The following NUP98 variants were observed in gnomAD, a reference collection of about 807,000 sequenced individuals.
The protein encoded by NUP98 is nucleoporin 98 and 96 precursor, also known as nuclear pore complex protein Nup98-Nup96.
Under a neutral mutation model 191.9 loss-of-function variants are expected in NUP98, and 26 were observed. The observed-to-expected ratio is 0.14, with a 90% confidence interval of 0.10 to 0.19. The LOEUF (loss-of-function observed/expected upper bound fraction) is 0.19. Ranked by LOEUF, NUP98 falls within the 10% of genes least tolerant of loss-of-function variation. The pLI is 1.00. For missense variants in NUP98, 1,941 were observed against 2,178.8 expected (o/e 0.89, Z 2.17); for synonymous variants, 808 against 778.4 (o/e 1.04, Z -0.63).
chr11:3,762,607 A>T (rs2134523127), intron 9 of NUP98, among the ~76,000 whole-genome samples: 1 of 152,320 alleles, frequency 6.6e-6, no homozygotes, highest in Non-Finnish European at 1.5e-5. Flanking sequence ...AAAGCAAAAG[A>T]ATTTCAATTT....
intron 10 of NUP98, among the ~76,000 whole-genome samples, chr11:3,757,988 G>A (rs188730810): frequency 1.7e-4 from 26 of 151,768 alleles, no homozygotes; most frequent in South Asian, 1.2e-3. Context: ...CAGTATATGC[G>A]TGGTATGAAA....
chr11:3,745,772 T>C (rs906996578), intron 11 of NUP98, among the ~76,000 whole-genome samples: 18 of 152,204 alleles, frequency 1.2e-4, no homozygotes, highest in Middle Eastern at 6.8e-3. Context: ...CTTTTTAACA[T>C]ATCAACTGCA....
chr11:3,702,915 G>A, intron 22 of NUP98, 23 bp from the exon 23 acceptor site: 1 of 1,568,404 alleles, frequency 6.4e-7, no homozygotes, highest in Non-Finnish European at 8.7e-7. Flanking sequence ...GGGAATGAAG[G>A]GGAGAAAGAC....
intron 18 of NUP98, among the ~76,000 whole-genome samples, chr11:3,718,618 T>C (rs948393419): frequency 4.6e-5 from 7 of 152,076 alleles, no homozygotes; most frequent in East Asian, 1.9e-4. Flanking sequence ...AAAGGATCGA[T>C]TGATCTGCTC....
At chr11:3,746,210 G>A (rs1448534452) in intron 11 of NUP98, among the ~76,000 whole-genome samples, 9 of 139,806 alleles carry the variant, frequency 6.4e-5, no homozygotes, top group Non-Finnish European at 9.0e-5. Flanking sequence ...TGGAGGTTGC[G>A]GTGAGCCAAG....
Position 3,723,372 on chromosome 11 carries a change from T to C in NUP98, c.1931A>G (p.Asn644Ser). ...TTGAGGAATAGGTTTGGCAATAGGG[T>C]TAGTATAAAAATGTGAAACAAGGGA... The part of the protein sequence containing the change: ...EDSLVSHFYT[N>S]PIAKPIPQTP... The change falls in exon 16 of 33, where the codon AAC becomes AGC. Residue 644 changes from asparagine to serine, a missense_variant. By Grantham distance (46) the Asn-to-Ser change is conservative. Coordinates refer to ENST00000324932, the MANE Select transcript of NUP98 (RefSeq NM_016320.5). 1 of 1,614,040 alleles carries C rather than the reference T, an allele frequency of 6.2e-7. No homozygotes were observed. The highest frequency in any genetic ancestry group is 8.5e-7 in the Non-Finnish European group (1 of 1,179,980).
intron 26 of NUP98, among the ~76,000 whole-genome samples, chr11:3,694,827 G>C (rs903567488): frequency 1.3e-5 from 2 of 151,932 alleles, no homozygotes; most frequent in African/African-American, 2.4e-5. Context: ...TAGGTGACAG[G>C]ATCCCTTTAG....
At chr11:3,713,553 T>C (rs2079083241) in intron 19 of NUP98, among the ~76,000 whole-genome samples, 1 of 152,108 alleles carries the variant, frequency 6.6e-6, no homozygotes, top group East Asian at 1.9e-4. Context: ...ACTCGATCTT[T>C]ACAAACATTT....
intron 10 of NUP98, among the ~76,000 whole-genome samples, chr11:3,759,414 T>C (rs147782324): frequency 6.6e-6 from 1 of 152,212 alleles, no homozygotes; most frequent in East Asian, 1.9e-4. Context: ...CTGGCCTACA[T>C]GGTGAAACCT....
chr11:3,782,201 GT>G (rs1478668800), intron 1 of NUP98, 56 bp from the exon 2 acceptor site: 1 of 950,496 alleles, frequency 1.1e-6, no homozygotes, highest in Non-Finnish European at 1.6e-6. Flanking sequence ...GAATATAATT[GT>G]TTTAGAAAAT....
intron 20 of NUP98, chr11:3,712,010 A>T (rs1248090333): frequency 1.9e-6 from 2 of 1,049,112 alleles, no homozygotes; most frequent in African/African-American, 3.3e-5. Flanking sequence ...TGTAGGCCCT[A>T]ATCTCCCCAA....
chr11:3,697,483 G>C (rs1425837343), intron 25 of NUP98, among the ~76,000 whole-genome samples: 1 of 152,064 alleles, frequency 6.6e-6, no homozygotes, highest in Non-Finnish European at 1.5e-5. Context: ...GATCATATTA[G>C]ATTAAGCTGA....
At chr11:3,717,140 A>T (rs2079213244) in intron 18 of NUP98, among the ~76,000 whole-genome samples, 1 of 152,058 alleles carries the variant, frequency 6.6e-6, no homozygotes, top group African/African-American at 2.4e-5. Context: ...GATTACAGGT[A>T]TGCGCCACCA....
In NUP98 at chr11:3,735,179, C is replaced by G; in HGVS notation, c.1542+12G>C. On this transcript the variant is annotated intron_variant, in intron 13 of 32. Transcript: ENST00000324932. ...TTGATATGATATTTTACAGAAGTAT[C>G]CTTAAATTTACCTCTTCCTTCTTCT... is the stretch of plus-strand genomic sequence containing the variant. 1 of 1,571,178 alleles carries G rather than the reference C, an allele frequency of 6.4e-7. No individual in the cohort carries two copies. Among genetic ancestry groups the G allele is most frequent in the South Asian group, 1.2e-5 (1 of 83,694 alleles).
At chr11:3,766,801 T>C (rs1396526388) in intron 8 of NUP98, among the ~76,000 whole-genome samples, 1 of 152,194 alleles carries the variant, frequency 6.6e-6, no homozygotes, top group African/African-American at 2.4e-5. Flanking sequence ...AGTGTTTTTA[T>C]CATGAAAAAG....
chr11:3,742,262 A>T (rs930315963), intron 12 of NUP98, among the ~76,000 whole-genome samples: 1 of 152,184 alleles, frequency 6.6e-6, no homozygotes, highest in African/African-American at 2.4e-5. Context: ...AAGGGGAAAA[A>T]ATCTGGGCAG....
intron 15 of NUP98, among the ~76,000 whole-genome samples, chr11:3,724,353 T>C (rs532842915): frequency 1.4e-4 from 21 of 151,298 alleles, no homozygotes; most frequent in Middle Eastern, 3.4e-3. Context: ...GAGAATTGCT[T>C]GAACAATTCA....
At chr11:3,761,152 A>G (rs2081153069) in intron 9 of NUP98, among the ~76,000 whole-genome samples, 1 of 152,228 alleles carries the variant, frequency 6.6e-6, no homozygotes, top group Non-Finnish European at 1.5e-5. Context: ...AGATGATTAC[A>G]GGAAAATCAG....
In NUP98 at chr11:3,746,385, C is replaced by T. The variant is rs1253374124; in HGVS notation, c.1268-1736G>A. Reference sequence around the variant, plus strand: ...TCCAAGAAATACTAAAATTATATTACTTCATCAAAGGAAATAGTTTACAGC... The same window carrying T: ...TCCAAGAAATACTAAAATTATATTATTTCATCAAAGGAAATAGTTTACAGC... On this transcript the variant is annotated intron_variant, in intron 11 of 32. Transcript: ENST00000324932. 1.4e-5 allele frequency among the ~76,000 whole-genome samples: 2 copies of T among 147,842 alleles called. 1 individual carries two copies. Among genetic ancestry groups the T allele is most frequent in the Middle Eastern group, 6.4e-3 (2 of 312 alleles).
Sources: allele counts gnomAD v4.1 joint callset (sites outside exome capture counted in the v4.1 genomes callset), GRCh38; gene constraint gnomAD v4.1.1; transcripts MANE v1.5; gene names NCBI Gene and HGNC (gene_info 2026-07-23, HGNC 2026-07-21).